Variants in ZNF700 observed in about 807,000 individuals in gnomAD.
ZNF700 encodes zinc finger protein 700.
In ZNF700, 38 loss-of-function variants were observed where a neutral mutation model predicts 65.3. The ratio of observed to expected loss-of-function variants is 0.58; its 90% CI spans 0.45 to 0.76. The LOEUF (loss-of-function observed/expected upper bound fraction) is 0.76. ZNF700 is among the 30% of genes least tolerant of loss of function. The probability of loss-of-function intolerance (pLI) is 0.00; values close to 1 mark genes in which losing one functional copy is unlikely to be tolerated. For missense variants in ZNF700, 857 were observed against 888.4 expected (o/e 0.96, Z 0.45); for synonymous variants, 285 against 290.4 (o/e 0.98, Z 0.19).
intron 1 of ZNF700, chr19:11,926,823 A>G (rs1055940671): frequency 3.3e-5 from 5 of 153,590 alleles, no homozygotes; most frequent in African/African-American, 1.2e-4. Flanking sequence ...CTCCGAAATA[A>G]TAGAAAGGTC....
rs140254113 is a variant in ZNF700 at position 11,926,369 on chromosome 19, C to T, written c.63+1096C>T. The stretch of plus-strand genomic sequence containing the variant: ...TTTGCGGGTCCTGTTGGCCAAGAGC[C>T]GGTCACTTCACTTAGCTGGAAAGGT... On this transcript the variant is annotated intron_variant, in intron 1 of 3. Transcript: ENST00000254321. 6.5e-3 allele frequency among the ~76,000 whole-genome samples: 989 copies of T among 152,168 alleles called. 18 individuals are homozygous for T. Among genetic ancestry groups the T allele is most frequent in the African/African-American group, 0.023 (940 of 41,510 alleles).
Position 11,950,267 on chromosome 19 carries a change from A to G in ZNF700, c.*14A>G. 1.3e-6 allele frequency: 2 copies of G among 1,596,302 alleles called. No homozygotes were observed. The highest frequency in any genetic ancestry group is 1.7e-6 in the Non-Finnish European group (2 of 1,174,104). Reference sequence around the variant, plus strand: ...GCATTCAGCTAGCCTGGTTCCTTTTATGGACATGAATAGACTCACACTGGA... The same window carrying G: ...GCATTCAGCTAGCCTGGTTCCTTTTGTGGACATGAATAGACTCACACTGGA... On this transcript the variant is annotated 3_prime_UTR_variant, in exon 4 of 4. Transcript: ENST00000254321.
chr19:11,932,337 C>G (rs929708326), intron 1 of ZNF700, among the ~76,000 whole-genome samples: 2 of 147,656 alleles, frequency 1.4e-5, no homozygotes, highest in African/African-American at 2.7e-5. Flanking sequence ...GAACGAGACC[C>G]TGTTTCAAGA....
intron 1 of ZNF700, among the ~76,000 whole-genome samples, chr19:11,931,934 G>A (rs1017037773): frequency 1.4e-5 from 2 of 147,730 alleles, no homozygotes; most frequent in Admixed American, 6.7e-5. Context: ...TGACGAGCAT[G>A]GAGAAACCCC....
At chr19:11,940,686 C>T (rs1972867837) in intron 1 of ZNF700, among the ~76,000 whole-genome samples, 1 of 152,122 alleles carries the variant, frequency 6.6e-6, no homozygotes, top group South Asian at 2.1e-4. Flanking sequence ...AGTGGGTTGC[C>T]ACTGCTGGCT....
intron 1 of ZNF700, among the ~76,000 whole-genome samples, chr19:11,946,521 TG>T (rs1456115474): frequency 5.3e-5 from 8 of 152,116 alleles, no homozygotes; most frequent in Non-Finnish European, 1.0e-4. Flanking sequence ...TCAACCACTG[TG>T]GGGGGTCTAA....
intron 1 of ZNF700, among the ~76,000 whole-genome samples, chr19:11,928,685 T>C (rs1269392742): frequency 1.6e-5 from 2 of 128,176 alleles, no homozygotes; most frequent in African/African-American, 6.4e-5. Flanking sequence ...TGAGCCGAGA[T>C]CCCGCCACTG....
Position 11,948,552 on chromosome 19 carries a change from G to A in ZNF700, c.528G>A (p.Arg176=). Residue 176 remains arginine (R), a synonymous_variant, in exon 4 of 4, where the codon AGG becomes AGA. Coordinates refer to ENST00000254321, the MANE Select transcript of ZNF700 (RefSeq NM_144566.3). ...CQQPKNKKAF[R]YRPSIRTQER... ...AACCTAAAAATAAGAAAGCCTTCAG[G>A]TATCGCCCATCCATTAGAACACAAG... 6.2e-7 allele frequency: 1 copy of A among 1,609,598 alleles called. No individual in the cohort carries two copies. The highest frequency in any genetic ancestry group is 1.7e-4 in the Middle Eastern group (1 of 6,044).
At chr19:11,930,540 T>A (rs1326922449) in intron 1 of ZNF700, among the ~76,000 whole-genome samples, 1 of 148,696 alleles carries the variant, frequency 6.7e-6, no homozygotes, top group Non-Finnish European at 1.5e-5. Context: ...GAACTCACTA[T>A]AACCGGCAAC....
At chr19:11,928,385 A>T (rs1453091313) in intron 1 of ZNF700, among the ~76,000 whole-genome samples, 1 of 152,116 alleles carries the variant, frequency 6.6e-6, no homozygotes, top group Non-Finnish European at 1.5e-5. Flanking sequence ...TTTAAGAGTG[A>T]ATTTAACATT....
chr19:11,934,463 A>G (rs925784418), intron 1 of ZNF700, among the ~76,000 whole-genome samples: 3 of 148,206 alleles, frequency 2.0e-5, no homozygotes, highest in Non-Finnish European at 4.4e-5. Flanking sequence ...TTTGGATTTT[A>G]GCTACTGCAC....
intron 1 of ZNF700, among the ~76,000 whole-genome samples, chr19:11,942,771 T>C (rs1038418677): frequency 3.9e-5 from 6 of 152,136 alleles, no homozygotes; most frequent in African/African-American, 1.4e-4. Context: ...AGGTCAGGAG[T>C]TGATTTTTAA....
At chr19:11,942,782 CT>C (rs1972905742) in intron 1 of ZNF700, among the ~76,000 whole-genome samples, 1 of 152,214 alleles carries the variant, frequency 6.6e-6, no homozygotes, top group Non-Finnish European at 1.5e-5. Context: ...TGATTTTTAA[CT>C]ACCAGGCCTG....
chr19:11,950,031 G>A lies in ZNF700; in HGVS notation c.2007G>A (p.Lys669=). ...KFSSFQIHER[K]HRGEKPYECK... Reference sequence around the variant, plus strand: ...CTTCTTTTCAAATACATGAAAGGAAGCACAGAGGAGAGAAGCCCTATGAAT... The same window carrying A: ...CTTCTTTTCAAATACATGAAAGGAAACACAGAGGAGAGAAGCCCTATGAAT... The change falls in exon 4 of 4, where the codon AAG becomes AAA. Residue 669 remains lysine, a synonymous_variant. Coordinates refer to ENST00000254321, the MANE Select transcript of ZNF700 (RefSeq NM_144566.3). The A allele has an allele frequency of 6.2e-7, 1 of 1,613,980 alleles. No homozygotes were observed. The highest frequency in any genetic ancestry group is 8.5e-7 in the Non-Finnish European group (1 of 1,179,972).
At chr19:11,932,123 C>CAA (rs964755495) in intron 1 of ZNF700, among the ~76,000 whole-genome samples, 8 of 126,364 alleles carry the variant, frequency 6.3e-5, no homozygotes, top group African/African-American at 2.3e-4. Context: ...AACTTTGTCT[C>CAA]AAAAAAAAAA....
intron 1 of ZNF700, among the ~76,000 whole-genome samples, chr19:11,927,544 T>G (rs1028826816): frequency 6.6e-6 from 1 of 152,164 alleles, no homozygotes; most frequent in Non-Finnish European, 1.5e-5. Context: ...CGTACTGTCT[T>G]TAAGTTTTTC....
chr19:11,925,395 C>T, intron 1 of ZNF700, 122 bp downstream of exon 1: 2 of 1,470,242 alleles, frequency 1.4e-6, no homozygotes, highest in South Asian at 1.2e-5. Flanking sequence ...CCGAGTCCTC[C>T]TTGAGCAGTT....
chr19:11,949,639 A>G lies in ZNF700; in HGVS notation c.1615A>G (p.Asn539Asp). The change falls in exon 4 of 4, where the codon AAC becomes GAC. Residue 539 changes from asparagine to aspartate, a missense_variant. Asn to Asp is a conservative substitution (Grantham distance 23). Around this residue, in one of 3 missense-constraint regions of ZNF700, gnomAD observed 251 missense variants for 250.3 expected, o/e 1.00. Coordinates refer to ENST00000254321, the MANE Select transcript of ZNF700 (RefSeq NM_144566.3). The stretch of plus-strand genomic sequence containing the variant: ...CACTGGAGAGAAACCCTATGAATGC[A>G]ACCAATGTGGTAAAGCCTTCAGATG... ...THTGEKPYEC[N>D]QCGKAFRCCN... 1 of 1,614,022 alleles carries G rather than the reference A, an allele frequency of 6.2e-7. No individual in the cohort carries two copies. The highest frequency in any genetic ancestry group is 8.5e-7 in the Non-Finnish European group (1 of 1,179,992).
chr19:11,925,981 GA>G (rs1243405512), intron 1 of ZNF700, among the ~76,000 whole-genome samples: 1 of 152,186 alleles, frequency 6.6e-6, no homozygotes, highest in East Asian at 1.9e-4. Context: ...GAAAGGGTGG[GA>G]CCTGTGGAAG....
Sources: gnomAD v4.1 joint callset for allele counts (sites outside exome capture counted in the v4.1 genomes callset) on GRCh38, gnomAD v4.1.1 for gene constraint, gnomAD v4.1.1 regional missense constraint, MANE v1.5 for transcripts, NCBI Gene and HGNC (gene_info 2026-07-23, HGNC 2026-07-21) for gene names.